CNGB3: variants seen among roughly 807,000 people sequenced by gnomAD.
The protein encoded by CNGB3 is cyclic nucleotide-gated channel beta-3.
A neutral mutation model predicts 92.8 loss-of-function variants in CNGB3; 86 were observed. The ratio of observed to expected loss-of-function variants is 0.93; its 90% CI spans 0.78 to 1.11. CNGB3 has a LOEUF of 1.11. Ranked by LOEUF, CNGB3 falls within the 50% of genes least tolerant of loss-of-function variation. The probability of loss-of-function intolerance (pLI) is 0.00; values close to 1 mark genes in which losing one functional copy is unlikely to be tolerated. For synonymous variants in CNGB3, 333 were observed against 332.7 expected (o/e 1.00, Z -0.01); for missense variants, 1,026 against 956.8 (o/e 1.07, Z -0.95).
At chr8:86,726,465 T>C in intron 3 of CNGB3, 66 bp downstream of exon 3, 1 of 1,605,266 alleles carries the variant, frequency 6.2e-7, no homozygotes. Flanking sequence ...GAGTGGATAT[T>C]TGAGCTCTTT....
chr8:86,734,417 G>C (rs1464226738), intron 2 of CNGB3, among the ~76,000 whole-genome samples: 1 of 152,102 alleles, frequency 6.6e-6, no homozygotes, highest in Non-Finnish European at 1.5e-5. Flanking sequence ...ACAAAGACTG[G>C]GATGGAGATT....
Position 86,635,861 on chromosome 8 carries a change from T to TATATATATAC in CNGB3, c.1179-2969_1179-2968insGTATATATAT, listed in dbSNP as rs796498363. Reference sequence around the variant, plus strand: ...ATATATATATATATATATATATATATATACACATACACATATACTTAGGCA... The same window carrying TATATATATAC: ...ATATATATATATATATATATATATATATATATATACATACACATACACATATACTTAGGCA... On this transcript the variant is annotated intron_variant, in intron 10 of 17. Coordinates refer to ENST00000320005, the MANE Select transcript of CNGB3 (RefSeq NM_019098.5). 2.4e-3 allele frequency among the ~76,000 whole-genome samples: 157 copies of TATATATATAC among 66,116 alleles called. 1 individual carries two copies. Among genetic ancestry groups the TATATATATAC allele is most frequent in the East Asian group, 3.7e-3 (7 of 1,914 alleles). The allele number at this position is 66,116 out of a possible 152,430, so 43.4% of individuals were successfully genotyped here.
intron 6 of CNGB3, chr8:86,661,268 G>C: frequency 3.0e-6 from 1 of 332,782 alleles, no homozygotes. Flanking sequence ...TATCAGGGTC[G>C]ACCTTCTGCA....
chr8:86,714,200 C>T (rs1011453104), intron 3 of CNGB3, among the ~76,000 whole-genome samples: 20 of 152,150 alleles, frequency 1.3e-4, no homozygotes, highest in Non-Finnish European at 2.6e-4. Context: ...CAGCCCCAGG[C>T]AACCACTGTT....
intron 6 of CNGB3, among the ~76,000 whole-genome samples, chr8:86,657,044 C>G (rs1440655158): frequency 3.3e-5 from 5 of 152,206 alleles, no homozygotes; most frequent in Non-Finnish European, 7.3e-5. Context: ...CCCCATTGTC[C>G]TGCCTCAGCT....
chr8:86,673,816 T>C (rs1823912599), intron 3 of CNGB3, among the ~76,000 whole-genome samples: 2 of 152,180 alleles, frequency 1.3e-5, no homozygotes, highest in South Asian at 4.1e-4. Flanking sequence ...TATCTTCAGT[T>C]TGAGGTGTTT....
chr8:86,695,131 C>T (rs1018952200), intron 3 of CNGB3, among the ~76,000 whole-genome samples: 19 of 146,218 alleles, frequency 1.3e-4, no homozygotes, highest in African/African-American at 4.9e-4. Flanking sequence ...CCCGTCTCCA[C>T]CAAAAAAATA....
chr8:86,694,547 G>T (rs1210592946), intron 3 of CNGB3, among the ~76,000 whole-genome samples: 3 of 151,492 alleles, frequency 2.0e-5, no homozygotes, highest in African/African-American at 7.3e-5. Flanking sequence ...CTCAGACGGG[G>T]TGGTTGCCAG....
chr8:86,584,280 T>A (rs897927845), intron 15 of CNGB3, among the ~76,000 whole-genome samples: 1 of 152,212 alleles, frequency 6.6e-6, no homozygotes, highest in African/African-American at 2.4e-5. Context: ...GTCTGTTTCA[T>A]TCACATTCCT....
chr8:86,731,912 C>T (rs374383623), intron 2 of CNGB3, among the ~76,000 whole-genome samples: 171 of 152,232 alleles, frequency 1.1e-3, no homozygotes, highest in African/African-American at 4.0e-3. Flanking sequence ...GGGCATGATA[C>T]AAAAACTTCC....
At chr8:86,687,600 G>C (rs1201017716) in intron 3 of CNGB3, among the ~76,000 whole-genome samples, 1 of 151,962 alleles carries the variant, frequency 6.6e-6, no homozygotes, top group Non-Finnish European at 1.5e-5. Flanking sequence ...AAACTTTTTG[G>C]AACTAGACAG....
chr8:86,666,340 T>C (rs1337607663), intron 6 of CNGB3, among the ~76,000 whole-genome samples: 5 of 152,224 alleles, frequency 3.3e-5, no homozygotes, highest in Non-Finnish European at 1.5e-5. Flanking sequence ...TGGCACTCTC[T>C]TTGTAGGCTC....
At chr8:86,716,398 TATC>T (rs1824853491) in intron 3 of CNGB3, among the ~76,000 whole-genome samples, 1 of 152,118 alleles carries the variant, frequency 6.6e-6, no homozygotes, top group Admixed American at 6.5e-5. Flanking sequence ...ATCACAAAAA[TATC>T]ATCGCCTAGC....
At chr8:86,689,155 GT>G (rs76271293) in intron 3 of CNGB3, among the ~76,000 whole-genome samples, 93,488 of 148,858 alleles carry the variant, frequency 0.63, 29,418 homozygotes, top group East Asian at 0.9. Context: ...ATAATTTCAT[GT>G]TTTTTTTTTC....
At chr8:86,700,788 C>A (rs956174416) in intron 3 of CNGB3, among the ~76,000 whole-genome samples, 5 of 152,090 alleles carry the variant, frequency 3.3e-5, no homozygotes, top group Non-Finnish European at 2.9e-5. Context: ...ATAGACTGTG[C>A]CACCACGCTG....
intron 7 of CNGB3, among the ~76,000 whole-genome samples, chr8:86,650,083 G>A (rs771184002): frequency 7.3e-5 from 11 of 151,318 alleles, no homozygotes; most frequent in East Asian, 3.9e-4. Context: ...ATCAAACCTC[G>A]TTGATTTTAC....
At chr8:86,609,434 T>C (rs1672784002) in intron 14 of CNGB3, among the ~76,000 whole-genome samples, 1 of 152,204 alleles carries the variant, frequency 6.6e-6, no homozygotes, top group African/African-American at 2.4e-5. Flanking sequence ...ATATTCTTGC[T>C]TCCCATTTTA....
At chr8:86,654,203 A>G (rs1235472306) in intron 6 of CNGB3, 141 bp from the exon 7 acceptor site, 2 of 669,474 alleles carry the variant, frequency 3.0e-6, no homozygotes. Context: ...CAGGTATTAA[A>G]ACAAAAAATG....
intron 13 of CNGB3, among the ~76,000 whole-genome samples, chr8:86,614,884 C>G (rs1394572043): frequency 6.6e-6 from 1 of 152,152 alleles, no homozygotes; most frequent in South Asian, 2.1e-4. Flanking sequence ...TCTCCCAAGA[C>G]AGAACCCAAG....
Sources: gnomAD v4.1 joint callset for allele counts (sites outside exome capture counted in the v4.1 genomes callset) on GRCh38, gnomAD v4.1.1 for gene constraint, MANE v1.5 for transcripts, NCBI Gene and HGNC (gene_info 2026-07-23, HGNC 2026-07-21) for gene names.